The following ACOT11 variants were observed in gnomAD, a reference collection of about 807,000 sequenced individuals.
ACOT11 encodes the protein acyl-CoA thioesterase 11, also known as acyl-coenzyme A thioesterase 11.
ACOT11 carries 69 observed loss-of-function variants against 77.5 expected under a neutral mutation model. The observed-to-expected ratio is 0.89, with a 90% confidence interval of 0.73 to 1.09. ACOT11 has a LOEUF of 1.09. Ranked by LOEUF, ACOT11 falls within the 50% of genes least tolerant of loss-of-function variation. ACOT11 has a pLI of 0.00. For synonymous variants in ACOT11, 279 were observed against 313.0 expected (o/e 0.89, Z 1.15); for missense variants, 766 against 813.7 (o/e 0.94, Z 0.71).
intron 15 of ACOT11, among the ~76,000 whole-genome samples, chr1:54,608,337 C>T (rs908880115): frequency 2.0e-5 from 3 of 152,140 alleles, no homozygotes; most frequent in Admixed American, 6.5e-5. Context: ...CCATCTCACT[C>T]GTCATTCACT....
At chr1:54,606,974 C>T (rs1433000808) in intron 13 of ACOT11, among the ~76,000 whole-genome samples, 160 bp from the exon 14 acceptor site, 1 of 152,254 alleles carries the variant, frequency 6.6e-6, no homozygotes, top group African/African-American at 2.4e-5. Flanking sequence ...CTTGGCTGGG[C>T]TTTGCTGCCT....
At chr1:54,634,204 C>T (rs980917549) in intron 16 of ACOT11, among the ~76,000 whole-genome samples, 2 of 152,126 alleles carry the variant, frequency 1.3e-5, no homozygotes, top group African/African-American at 2.4e-5. Flanking sequence ...TGGGTATTCT[C>T]GATAATCATT....
intron 1 of ACOT11, among the ~76,000 whole-genome samples, chr1:54,562,623 G>A (rs1253747837): frequency 1.6e-4 from 23 of 143,246 alleles, no homozygotes; most frequent in Admixed American, 6.8e-4. Flanking sequence ...GGCAGCTGCC[G>A]GGCGGAGGGG....
intron 15 of ACOT11, chr1:54,616,116 C>T (rs1569791680): frequency 6.2e-7 from 1 of 1,614,076 alleles, no homozygotes; most frequent in African/African-American, 1.3e-5. Context: ...ACTCCTGTCT[C>T]ATTGGCTGTG....
intron 3 of ACOT11, among the ~76,000 whole-genome samples, chr1:54,588,519 C>T (rs1010118903): frequency 6.6e-6 from 1 of 152,122 alleles, no homozygotes; most frequent in African/African-American, 2.4e-5. Context: ...GCAATCTGGG[C>T]CCAGAGCCCT....
intron 1 of ACOT11, among the ~76,000 whole-genome samples, chr1:54,580,600 T>C (rs888186942): frequency 3.3e-5 from 5 of 152,202 alleles, no homozygotes; most frequent in African/African-American, 1.2e-4. Context: ...ACCTCAGACC[T>C]TCCTCCCACT....
downstream of ACOT11, chr1:54,612,537 A>G (rs368152719): frequency 1.8e-4 from 296 of 1,613,930 alleles, no homozygotes; most frequent in Non-Finnish European, 2.3e-4. Flanking sequence ...AGCCCGCACC[A>G]TGGAAGACCG....
exon 17 of ACOT11, chr1:54,638,264 T>A (rs1430108019): frequency 6.6e-6 from 1 of 152,270 alleles, no homozygotes; most frequent in African/African-American, 2.4e-5. Flanking sequence ...TTTGATGTAC[T>A]AAAATAAAAT....
chr1:54,633,356 G>C (rs979391803), intron 16 of ACOT11, among the ~76,000 whole-genome samples: 3 of 152,172 alleles, frequency 2.0e-5, no homozygotes, highest in African/African-American at 7.2e-5. Flanking sequence ...GGTAAATGGA[G>C]AATGTTAACT....
chr1:54,613,500 C>T (rs1440010855), downstream of ACOT11, among the ~76,000 whole-genome samples: 1 of 151,992 alleles, frequency 6.6e-6, no homozygotes, highest in Non-Finnish European at 1.5e-5. Flanking sequence ...GTTGCCCAGG[C>T]TGGTCTCAAA....
chr1:54,600,078 C>A (rs1240593979), intron 8 of ACOT11, among the ~76,000 whole-genome samples: 1 of 152,166 alleles, frequency 6.6e-6, no homozygotes, highest in Non-Finnish European at 1.5e-5. Context: ...TATGAGGATT[C>A]AATGAGCCGT....
rs1326672134 is a variant in ACOT11 at position 54,599,289 on chromosome 1, TC to T, written c.765-5del. 6.6e-7 allele frequency: 1 copy of T among 1,514,892 alleles called. No homozygotes were observed. Among genetic ancestry groups the T allele is most frequent in the Non-Finnish European group, 8.9e-7 (1 of 1,123,572 alleles). 93.8% of individuals were successfully genotyped at this position (1,514,892 alleles called of 1,614,324 possible). The stretch of plus-strand genomic sequence containing the variant: ...TTCCTTCTGTCTCCCCACCCCTGCC[TC>T]CTCAGCCGGCTCTGCCGTGCCCACC... On this transcript the variant is annotated splice_region_variant and splice_polypyrimidine_tract_variant and intron_variant, in intron 7 of 15. Coordinates refer to ENST00000343744, the MANE Select transcript of ACOT11 (RefSeq NM_147161.4).
intron 1 of ACOT11, among the ~76,000 whole-genome samples, chr1:54,556,877 C>G (rs1374835575): frequency 2.0e-5 from 3 of 152,106 alleles, no homozygotes; most frequent in Admixed American, 2.0e-4. Context: ...GCCATCGCAT[C>G]TGGTCTTCAC....
At chr1:54,608,209 A>T in intron 15 of ACOT11, 141 bp downstream of exon 15, 1 of 764,154 alleles carries the variant, frequency 1.3e-6, no homozygotes, top group Non-Finnish European at 2.0e-6. Flanking sequence ...GGGGAGCCTG[A>T]GAGTGTCAGG....
rs300283 is a variant in ACOT11 at position 54,594,615 on chromosome 1, G to A, written c.531G>A (p.Ala177=). ...AGGAGAAGATGGAGCACAGTGTGGC[G>A]GCTGAGCGCCGGCGCATGCGCCTTG... is the stretch of plus-strand genomic sequence containing the variant. ...TEEEKMEHSV[A]AERRRMRLVY... is the part of the protein sequence containing the mutation. Residue 177 remains alanine, a synonymous_variant, in exon 6 of 16, where the codon GCG becomes GCA. Transcript: ENST00000343744. The A allele has an allele frequency of 4.7e-4, 761 of 1,614,136 alleles. 3 individuals are homozygous for A. In the East Asian group the frequency reaches 0.015, roughly 32 times the overall value.
chr1:54,610,158 G>T lies in ACOT11; in HGVS notation c.*1046G>T. ...GTTTCAGCTCTTGGCCTTTACCCAT[G>T]ACTCAGCCTGGGGGCTGGTGCCGGC... On this transcript the variant is annotated 3_prime_UTR_variant, in exon 16 of 16. Transcript: ENST00000343744. The T allele has an allele frequency of 7.7e-6, 11 of 1,433,560 alleles. No homozygotes were observed. The highest frequency in any genetic ancestry group is 1.0e-5 in the Non-Finnish European group (11 of 1,099,612). 88.8% of individuals were successfully genotyped at this position (1,433,560 alleles called of 1,614,324 possible).
In ACOT11 at chr1:54,609,024, C is replaced by T. The variant is rs772867757; in HGVS notation, c.1697C>T (p.Ser566Phe). The T allele has an allele frequency of 3.1e-6, 5 of 1,613,784 alleles. No homozygotes were observed. The highest frequency in any genetic ancestry group is 1.3e-5 in the African/African-American group (1 of 74,802). Residue 566 changes from serine (S) to phenylalanine (F), a missense_variant, in exon 16 of 16, where the codon TCC becomes TTC. Coordinates refer to ENST00000343744, the MANE Select transcript of ACOT11 (RefSeq NM_147161.4). ...GTGACCACCAACGTGGCCGGCCTCT[C>T]CTCTGAGTTCTACACCACCTTCAAG... ...NYVTTNVAGL[S>F]SEFYTTFKAC...
At chr1:54,576,269 G>A (rs923436064) in intron 1 of ACOT11, among the ~76,000 whole-genome samples, 4 of 152,200 alleles carry the variant, frequency 2.6e-5, no homozygotes, top group African/African-American at 7.2e-5. Context: ...AGTGGCTCAC[G>A]CCTATAATCC....
chr1:54,619,727 C>T (rs1644210345), intron 15 of ACOT11: 6 of 857,252 alleles, frequency 7.0e-6, no homozygotes, highest in African/African-American at 3.4e-5. Flanking sequence ...CCCCTCTGAG[C>T]CCCTATTTCC....
Sources: gnomAD v4.1 joint callset for allele counts (sites outside exome capture counted in the v4.1 genomes callset) on GRCh38, gnomAD v4.1.1 for gene constraint, MANE v1.5 for transcripts, NCBI Gene and HGNC (gene_info 2026-07-23, HGNC 2026-07-21) for gene names.